The following ZNF878 variants were observed in gnomAD, a reference collection of about 807,000 sequenced individuals.
ZNF878 encodes zinc finger protein 878.
In ZNF878, 10 loss-of-function variants were observed where a neutral mutation model predicts 11.1. The observed-to-expected ratio is 0.90, with a 90% confidence interval of 0.56 to 1.53. The LOEUF is 1.53. ZNF878 is among the 40% of genes most tolerant of loss of function. The pLI is 0.00. For synonymous variants in ZNF878, 165 were observed against 209.7 expected (o/e 0.79, Z 1.84); for missense variants, 548 against 626.1 (o/e 0.88, Z 1.33).
In ZNF878 at chr19:12,044,157, C is replaced by T. The variant is rs539241283; in HGVS notation, c.1244G>A (p.Arg415Gln). Residue 415 changes from arginine (R) to glutamine (Q), a missense_variant, in exon 4 of 4, where the codon CGA (arginine) becomes CAA (glutamine). Around this residue, in one of 3 missense-constraint regions of ZNF878, gnomAD observed 335 missense variants for 358.2 expected, o/e 0.94. Transcript: ENST00000547628. ...RSASVLQKHI[R>Q]THTGEKPYGC... ...ATAGGGTTTCTCTCCTGTGTGAGTTCGTATGTGCTTTTGAAGGACTGAGGC... is the reference window on the plus strand; with the variant it reads ...ATAGGGTTTCTCTCCTGTGTGAGTTTGTATGTGCTTTTGAAGGACTGAGGC... The T allele has an allele frequency of 3.4e-5, 55 of 1,613,678 alleles. No individual in the cohort carries two copies. Among genetic ancestry groups the T allele is most frequent in the Non-Finnish European group, 3.7e-5 (44 of 1,179,962 alleles).
intron 1 of ZNF878, among the ~76,000 whole-genome samples, chr19:12,047,996 A>G (rs1000060186): frequency 6.6e-6 from 1 of 152,202 alleles, no homozygotes; most frequent in Admixed American, 6.5e-5. Flanking sequence ...CAACCATGAC[A>G]TTGTCACCAA....
At chr19:12,050,025 G>A (rs1327111363) in intron 1 of ZNF878, among the ~76,000 whole-genome samples, 1 of 152,012 alleles carries the variant, frequency 6.6e-6, no homozygotes, top group Non-Finnish European at 1.5e-5. Context: ...AGGAGTTTGA[G>A]ACCAGCCTGG....
Position 12,043,912 on chromosome 19 carries a change from G to C in ZNF878, c.1489C>G (p.His497Asp). The change falls in exon 4 of 4, where the codon CAT (histidine) becomes GAT (aspartate). Residue 497 changes from histidine to aspartate, a missense_variant. Physicochemically the swap from His to Asp is moderately conservative, Grantham distance 81. Transcript: ENST00000547628. Reference protein sequence around the residue: ...AFISSNSFLYHERIHTGEKPY... With the variant: ...AFISSNSFLYDERIHTGEKPY... ...TTCTCTCCAGTATGAATCCTTTCAT[G>C]GTAGAGAAAAGAGTTGGAAGAAATG... 2 of 1,614,030 alleles carry C rather than the reference G, an allele frequency of 1.2e-6. No homozygotes were observed. Among genetic ancestry groups the C allele is most frequent in the Non-Finnish European group, 1.7e-6 (2 of 1,179,992 alleles).
chr19:12,049,702 G>A (rs1568352645), intron 1 of ZNF878, among the ~76,000 whole-genome samples: 1 of 151,296 alleles, frequency 6.6e-6, no homozygotes, highest in Non-Finnish European at 1.5e-5. Context: ...CCTGGGAGGT[G>A]GAGGTTGCAG....
chr19:12,050,848 A>C (rs1199984379), intron 1 of ZNF878, among the ~76,000 whole-genome samples: 5 of 148,020 alleles, frequency 3.4e-5, no homozygotes, highest in Non-Finnish European at 1.5e-5. Context: ...TAATCCCAGC[A>C]CTTTGGAAGG....
chr19:12,052,732 G>T lies in ZNF878; in HGVS notation c.3+67C>A. On this transcript the variant is annotated intron_variant, in intron 1 of 3. Coordinates refer to ENST00000547628, the MANE Select transcript of ZNF878 (RefSeq NM_001080404.3). ...GCAGGGGGGCCCGGGCCCCGCCACA[G>T]CGGGTTCCTCTCGGTTCCACCCAGT... 6 of 1,528,664 alleles carry T rather than the reference G, an allele frequency of 3.9e-6. No homozygotes were observed. The South Asian group carries it at 4.8e-5, about 12-fold the overall frequency. 94.7% of individuals were successfully genotyped at this position (1,528,664 alleles called of 1,614,324 possible).
At chr19:12,045,548 G>A (rs1006279735) in intron 3 of ZNF878, among the ~76,000 whole-genome samples, 5 of 151,942 alleles carry the variant, frequency 3.3e-5, no homozygotes, top group African/African-American at 2.4e-5. Flanking sequence ...CGGGGAGGCT[G>A]AGGCAGGAGA....
rs78408076 is a variant in ZNF878 at position 12,044,679 on chromosome 19, G to A, written c.722C>T (p.Ser241Leu). ...GTGACTTTTCTCGTGTCTTTTTAACGAACTGGGAGAAAAAAAGGCTTTCCC... is the reference window on the plus strand; with the variant it reads ...GTGACTTTTCTCGTGTCTTTTTAACAAACTGGGAGAAAAAAAGGCTTTCCC... ...ICGKAFFSPS[S>L]LKRHEKSHTG... The change falls in exon 4 of 4, where the codon TCG becomes TTG. Residue 241 changes from serine (S) to leucine (L), a missense_variant. Around this residue, in one of 3 missense-constraint regions of ZNF878, gnomAD observed 335 missense variants for 358.2 expected, o/e 0.94. Transcript: ENST00000547628. 7.1e-3 allele frequency: 11,406 copies of A among 1,613,728 alleles called. 742 individuals carry two copies. In the African/African-American group the frequency reaches 0.14, roughly 19 times the overall value.
Position 12,046,386 on chromosome 19 carries a change from T to C in ZNF878, c.173A>G (p.Asn58Ser). Reference sequence around the variant, plus strand: ...CAGTTACCTTAGGTTTCTCCTAGGATTTTGGTGCTCATCTTCAATGTACTG... The same window carrying C: ...CAGTTACCTTAGGTTTCTCCTAGGACTTTGGTGCTCATCTTCAATGTACTG... ...NNQYIEDEHQ[N>S]PRRNLRRLIG... The change falls in exon 3 of 4, where the codon AAT becomes AGT. Residue 58 changes from asparagine (N) to serine (S), a missense_variant. Around this residue, in one of 3 missense-constraint regions of ZNF878, gnomAD observed 160 missense variants for 173.3 expected, o/e 0.92. Coordinates refer to ENST00000547628, the MANE Select transcript of ZNF878 (RefSeq NM_001080404.3). 3.2e-6 allele frequency: 5 copies of C among 1,575,756 alleles called. No homozygotes were observed. The highest frequency in any genetic ancestry group is 4.3e-6 in the Non-Finnish European group (5 of 1,159,370).
In ZNF878 at chr19:12,044,462, A is replaced by T. The variant is rs1975440070; in HGVS notation, c.939T>A (p.Cys313Ter). 1 of 1,614,010 alleles carries T rather than the reference A, an allele frequency of 6.2e-7. No individual in the cohort carries two copies. Among genetic ancestry groups the T allele is most frequent in the East Asian group, 2.2e-5 (1 of 44,870 alleles). ...RKHTGEKPYECKLCGKGFISS... is the reference protein window; with the variant it reads ...RKHTGEKPYE ...AAATAAATCCCTTACCACATAGCTT[A>T]CACTCATAGGGTTTCTCTCCAGTGT... The change falls in exon 4 of 4, where the codon TGT becomes TGA. Residue 313 changes from cysteine to a stop codon, truncating the protein, a stop_gained. Coordinates refer to ENST00000547628, the MANE Select transcript of ZNF878 (RefSeq NM_001080404.3). LOFTEE classifies it low-confidence loss of function (END_TRUNC).
intron 1 of ZNF878, among the ~76,000 whole-genome samples, chr19:12,051,379 CAATT>C (rs970010685): frequency 1.3e-4 from 19 of 151,466 alleles, no homozygotes; most frequent in Non-Finnish European, 2.1e-4. Context: ...ATTAATTGTA[CAATT>C]AATTTAGTTG....
chr19:12,052,457 T>A (rs1229182700), intron 1 of ZNF878, among the ~76,000 whole-genome samples: 1 of 152,118 alleles, frequency 6.6e-6, no homozygotes, highest in Non-Finnish European at 1.5e-5. Flanking sequence ...CCACAGCTCC[T>A]CCCACACGAA....
downstream of ZNF878, chr19:12,043,787 C>T: frequency 6.4e-7 from 1 of 1,571,036 alleles, no homozygotes; most frequent in Non-Finnish European, 8.6e-7. Flanking sequence ...TACCATATTG[C>T]TTACATCCAT....
Position 12,045,201 on chromosome 19 carries a change from A to G in ZNF878, c.200T>C (p.Ile67Thr), listed in dbSNP as rs565994459. The G allele has an allele frequency of 2.8e-5, 45 of 1,600,288 alleles. No individual in the cohort carries two copies. The Admixed American group carries it at 3.7e-4, about 13-fold the overall frequency. The change falls in exon 4 of 4, where the codon ATA becomes ACA. Residue 67 changes from isoleucine to threonine, a missense_variant. Transcript: ENST00000547628. ...QNPRRNLRRLIGERLSESKES... is the reference protein window; with the variant it reads ...QNPRRNLRRLTGERLSESKES... ...TTTACTTTCAGAGAGTCTCTCCCCT[A>G]TAAGTCTTCTGTGAACAATGAAAGC...
At chr19:12,043,783 A>G (rs1555715556), downstream of ZNF878, 23 of 1,560,280 alleles carry the variant, frequency 1.5e-5, no homozygotes, top group South Asian at 9.8e-5. Flanking sequence ...ACTTTACCAT[A>G]TTGCTTACAT....
downstream of ZNF878, chr19:12,043,663 C>T (rs1975416714): frequency 1.3e-6 from 1 of 768,554 alleles, no homozygotes; most frequent in South Asian, 2.0e-5. Context: ...CTGGTCTCAA[C>T]CTCTTCAGCT....
chr19:12,049,293 T>C (rs563647309), intron 1 of ZNF878, among the ~76,000 whole-genome samples: 1 of 150,348 alleles, frequency 6.7e-6, no homozygotes, highest in Admixed American at 6.7e-5. Flanking sequence ...AAACCCCATC[T>C]CTACTAAAAA....
Position 12,052,790 on chromosome 19 carries a change from C to T in ZNF878, c.3+9G>A, listed in dbSNP as rs868496058. The T allele has an allele frequency of 1.8e-5, 28 of 1,535,886 alleles. 1 individual carries two copies. In the Middle Eastern group the frequency reaches 3.0e-3, roughly 164 times the overall value. On this transcript the variant is annotated intron_variant, in intron 1 of 3. Coordinates refer to ENST00000547628, the MANE Select transcript of ZNF878 (RefSeq NM_001080404.3). ...TTCGCCTTGGGACTCCCCAGCACCG[C>T]ATGCTCACCATTTCCTGGCTTCCAG...
In ZNF878 at chr19:12,043,896, G is replaced by T; in HGVS notation, c.1505C>A (p.Thr502Asn). The T allele has an allele frequency of 6.2e-7, 1 of 1,614,114 alleles. No individual in the cohort carries two copies. Among genetic ancestry groups the T allele is most frequent in the African/African-American group, 1.3e-5 (1 of 75,042 alleles). ...NSFLYHERIH[T>N]GEKPYECKQC... ...CTTACACTCATAGGGTTTCTCTCCA[G>T]TATGAATCCTTTCATGGTAGAGAAA... The change falls in exon 4 of 4, where the codon ACT becomes AAT. Residue 502 changes from threonine to asparagine, a missense_variant. Physicochemically the swap from Thr to Asn is moderately conservative, Grantham distance 65. Coordinates refer to ENST00000547628, the MANE Select transcript of ZNF878 (RefSeq NM_001080404.3).
Sources: allele counts gnomAD v4.1 joint callset (sites outside exome capture counted in the v4.1 genomes callset), GRCh38; gene constraint gnomAD v4.1.1; regional missense constraint gnomAD v4.1.1; transcripts MANE v1.5; gene names NCBI Gene and HGNC (gene_info 2026-07-23, HGNC 2026-07-21).